MYO5B: variants seen among roughly 807,000 people sequenced by gnomAD.
The protein encoded by MYO5B is unconventional myosin-Vb.
MYO5B carries 143 observed loss-of-function variants against 229.3 expected under a neutral mutation model. The ratio of observed to expected loss-of-function variants is 0.62; its 90% confidence interval spans 0.54 to 0.72. The LOEUF (loss-of-function observed/expected upper bound fraction) is 0.72. Ranked by LOEUF, MYO5B falls within the 30% of genes least tolerant of loss-of-function variation. MYO5B has a pLI of 0.00. For missense variants in MYO5B, 2,321 were observed against 2,331.0 expected (o/e 1.00, Z 0.09); for synonymous variants, 918 against 885.2 (o/e 1.04, Z -0.66).
At chr18:50,066,579 T>C (rs1366942764) in intron 1 of MYO5B, among the ~76,000 whole-genome samples, 4 of 152,212 alleles carry the variant, frequency 2.6e-5, no homozygotes, top group African/African-American at 9.6e-5. Flanking sequence ...CCTGGGTACA[T>C]TAGCAAAACG....
intron 4 of MYO5B, among the ~76,000 whole-genome samples, chr18:50,031,829 C>T (rs2026392804): frequency 6.6e-6 from 1 of 151,978 alleles, no homozygotes; most frequent in Non-Finnish European, 1.5e-5. Context: ...GAACATTAGT[C>T]CCTCGAAATA....
chr18:50,166,373 TTTAG>T (rs1202769802), intron 1 of MYO5B, among the ~76,000 whole-genome samples: 1 of 152,240 alleles, frequency 6.6e-6, no homozygotes, highest in Non-Finnish European at 1.5e-5. Context: ...TGCTTAGTTT[TTTAG>T]TTAAACCTCA....
intron 1 of MYO5B, among the ~76,000 whole-genome samples, chr18:50,160,002 T>TTGGACAGTGC (rs2032740826): frequency 6.6e-6 from 1 of 152,180 alleles, no homozygotes; most frequent in Non-Finnish European, 1.5e-5. Flanking sequence ...GAGTCACAAG[T>TTGGACAGTGC]TGGACAGTAC....
chr18:49,906,189 A>G (rs912957801), intron 19 of MYO5B, among the ~76,000 whole-genome samples: 3 of 152,096 alleles, frequency 2.0e-5, no homozygotes, highest in African/African-American at 7.2e-5. Context: ...GGTAGGATGG[A>G]GGGAGCCTGG....
intron 1 of MYO5B, among the ~76,000 whole-genome samples, chr18:50,144,907 A>G (rs1186769942): frequency 6.6e-6 from 1 of 152,144 alleles, no homozygotes; most frequent in Non-Finnish European, 1.5e-5. Flanking sequence ...CCAGGTAAAA[A>G]CAAGTTATGG....
intron 4 of MYO5B, among the ~76,000 whole-genome samples, chr18:50,031,383 T>C (rs1008099844): frequency 6.6e-6 from 1 of 152,224 alleles, no homozygotes. Flanking sequence ...TGGAGAACTA[T>C]ACAGCATCCG....
intron 2 of MYO5B, among the ~76,000 whole-genome samples, chr18:50,050,174 A>T (rs1443719360): frequency 6.6e-6 from 1 of 152,244 alleles, no homozygotes; most frequent in Non-Finnish European, 1.5e-5. Context: ...AAAAACCAGC[A>T]TTATAAGAAC....
chr18:50,001,144 G>T (rs1045196598), intron 5 of MYO5B, 111 bp downstream of exon 5: 1 of 1,357,706 alleles, frequency 7.4e-7, no homozygotes, highest in Non-Finnish European at 1.1e-6. Context: ...AGTGGACAGA[G>T]GGCTCTCAGG....
intron 1 of MYO5B, among the ~76,000 whole-genome samples, chr18:50,133,460 G>A (rs1410370114): frequency 1.3e-5 from 2 of 152,176 alleles, no homozygotes; most frequent in Non-Finnish European, 2.9e-5. Context: ...TGGTGCAGAC[G>A]TCAGAAACAT....
chr18:49,966,759 A>G (rs1331077981), intron 10 of MYO5B, among the ~76,000 whole-genome samples: 5 of 152,218 alleles, frequency 3.3e-5, no homozygotes, highest in Non-Finnish European at 7.3e-5. Context: ...TAATTTTCCT[A>G]TTTCTAAGAT....
In MYO5B at chr18:49,899,630, C is replaced by T. The variant is rs559987127; in HGVS notation, c.2811+2964G>A. On this transcript the variant is annotated intron_variant, in intron 21 of 39. Coordinates refer to ENST00000285039, the MANE Select transcript of MYO5B (RefSeq NM_001080467.3). ...CCATGCTACTTACTAGCTGTGTGAC[C>T]TCAGTCAAGCTACTTAACCTCTGTG... Among the ~76,000 whole-genome samples the T allele has an allele frequency of 2.0e-5, 3 of 152,308 alleles. No homozygotes were observed. In the East Asian group the frequency reaches 5.8e-4, roughly 29 times the overall value.
chr18:49,938,649 T>C (rs1175290619), intron 14 of MYO5B, among the ~76,000 whole-genome samples: 2 of 152,064 alleles, frequency 1.3e-5, no homozygotes, highest in African/African-American at 4.8e-5. Flanking sequence ...ATCCCTAGTC[T>C]AGTGTCTGAG....
intron 1 of MYO5B, among the ~76,000 whole-genome samples, chr18:50,150,304 A>G (rs1035234927): frequency 1.5e-4 from 21 of 144,516 alleles, no homozygotes; most frequent in Non-Finnish European, 7.7e-5. Context: ...AACTAGAAAT[A>G]CCTTTTGACC....
chr18:49,974,853 A>G (rs1361914103), intron 9 of MYO5B, among the ~76,000 whole-genome samples: 2 of 145,482 alleles, frequency 1.4e-5, no homozygotes, highest in African/African-American at 2.5e-5. Context: ...GACAGAGCCC[A>G]TAAGAGAGCA....
chr18:49,990,388 C>T (rs777014861), intron 7 of MYO5B, 51 bp downstream of exon 7: 5 of 1,484,842 alleles, frequency 3.4e-6, no homozygotes, highest in East Asian at 2.3e-5. Flanking sequence ...GCTGTGCACC[C>T]GCTGGAGCAG....
intron 16 of MYO5B, among the ~76,000 whole-genome samples, chr18:49,931,393 T>G (rs1787327): frequency 0.015 from 2,273 of 152,256 alleles, 64 homozygotes; most frequent in African/African-American, 0.049. Context: ...CACACCCATC[T>G]TCTCCATAAA....
intron 4 of MYO5B, among the ~76,000 whole-genome samples, chr18:50,004,961 G>A (rs1358970786): frequency 6.6e-6 from 1 of 152,164 alleles, no homozygotes; most frequent in Non-Finnish European, 1.5e-5. Flanking sequence ...TCTGACTTTG[G>A]ACAAAGTAGT....
chr18:49,921,511 G>A (rs576900105), intron 17 of MYO5B, among the ~76,000 whole-genome samples: 4 of 152,208 alleles, frequency 2.6e-5, no homozygotes, highest in Admixed American at 2.0e-4. Context: ...TTTCTTAGCC[G>A]CTGCACAGCA....
At chr18:50,053,899 T>C (rs915016392) in intron 2 of MYO5B, among the ~76,000 whole-genome samples, 7 of 152,184 alleles carry the variant, frequency 4.6e-5, no homozygotes, top group Admixed American at 1.3e-4. Context: ...CCCAAACCTT[T>C]TCTCCAAGCA....
Sources: gnomAD v4.1 joint callset for allele counts (sites outside exome capture counted in the v4.1 genomes callset) on GRCh38, gnomAD v4.1.1 for gene constraint, MANE v1.5 for transcripts, NCBI Gene and HGNC (gene_info 2026-07-23, HGNC 2026-07-21) for gene names.